Variants in PXDNL observed in about 807,000 individuals in gnomAD.
PXDNL encodes peroxidasin like.
A neutral mutation model predicts 150.8 loss-of-function variants in PXDNL; 145 were observed. That is an observed-to-expected ratio of 0.96 (90% CI 0.84 to 1.10). PXDNL has a LOEUF of 1.10. PXDNL is among the 50% of genes least tolerant of loss of function. The pLI is 0.00. For missense variants in PXDNL, 2,087 were observed against 1,873.9 expected (o/e 1.11, Z -2.10); for synonymous variants, 757 against 725.7 (o/e 1.04, Z -0.69).
chr8:51,662,282 G>C (rs1453258181), intron 1 of PXDNL, among the ~76,000 whole-genome samples: 1 of 152,190 alleles, frequency 6.6e-6, no homozygotes, highest in South Asian at 2.1e-4. Flanking sequence ...CACTTTGGGA[G>C]GCTGAGGCAG....
At chr8:51,563,051 A>G (rs1279760556) in intron 3 of PXDNL, among the ~76,000 whole-genome samples, 2 of 151,934 alleles carry the variant, frequency 1.3e-5, no homozygotes. Context: ...GACTACCTAG[A>G]CTTGTGTTTC....
chr8:51,423,429 G>T, intron 14 of PXDNL, 146 bp downstream of exon 14: 2 of 480,240 alleles, frequency 4.2e-6, no homozygotes, highest in Non-Finnish European at 3.4e-6. Context: ...ATTTTAAAAA[G>T]AATAAAACAG....
In PXDNL at chr8:51,607,912, GGGAA is replaced by G. The variant is rs1213717577; in HGVS notation, c.237-15218_237-15215del. Among the ~76,000 whole-genome samples the G allele has an allele frequency of 2.1e-4, 27 of 129,542 alleles. 1 individual carries two copies. The highest frequency in any genetic ancestry group is 6.2e-4 in the African/African-American group (18 of 28,854). 85.0% of individuals were successfully genotyped at this position (129,542 alleles called of 152,430 possible). A position where few individuals can be genotyped will look rare whatever the true frequency, so the allele number is the denominator to read the frequency against. On this transcript the variant is annotated intron_variant, in intron 2 of 22. Coordinates refer to ENST00000356297, the MANE Select transcript of PXDNL (RefSeq NM_144651.5). ...AGGAAGGAAGGTGGGGAGGGAGGGA[GGGAA>G]GGAAGGAAGGAAAGAAAGAAAGAGA...
chr8:51,744,545 A>G (rs970212393), intron 1 of PXDNL, among the ~76,000 whole-genome samples: 17 of 149,266 alleles, frequency 1.1e-4, no homozygotes, highest in African/African-American at 3.4e-4. Flanking sequence ...GCGTGGTGGC[A>G]GGCGCCTGCA....
chr8:51,645,684 T>A (rs1563494348), intron 2 of PXDNL, among the ~76,000 whole-genome samples: 2 of 152,292 alleles, frequency 1.3e-5, no homozygotes, highest in South Asian at 2.1e-4. Flanking sequence ...ACAGGCCACC[T>A]GATAGAATAA....
chr8:51,777,681 T>C (rs2037366887), intron 1 of PXDNL, among the ~76,000 whole-genome samples: 1 of 152,120 alleles, frequency 6.6e-6, no homozygotes, highest in East Asian at 1.9e-4. Context: ...GATGGGCAGA[T>C]CACCTGAGGT....
intron 4 of PXDNL, among the ~76,000 whole-genome samples, chr8:51,514,963 AAG>A (rs1319493742): frequency 6.6e-6 from 1 of 152,252 alleles, no homozygotes; most frequent in African/African-American, 2.4e-5. Flanking sequence ...CTTTGGTCTG[AAG>A]CATCATGACA....
intron 17 of PXDNL, among the ~76,000 whole-genome samples, chr8:51,392,551 G>A (rs556699838): frequency 6.6e-6 from 1 of 152,222 alleles, no homozygotes; most frequent in South Asian, 2.1e-4. Flanking sequence ...GTCTGTTATT[G>A]GTGTACAAGA....
At chr8:51,533,828 C>A (rs200970333) in intron 4 of PXDNL, among the ~76,000 whole-genome samples, 8,696 of 146,336 alleles carry the variant, frequency 0.059, 177 homozygotes, top group East Asian at 0.17. Context: ...GTGATCTCGG[C>A]TCGCTACAAC....
chr8:51,553,902 T>A (rs1457307561), intron 4 of PXDNL, among the ~76,000 whole-genome samples: 1 of 152,184 alleles, frequency 6.6e-6, no homozygotes, highest in East Asian at 1.9e-4. Context: ...TCTTTAAAGA[T>A]GTCCCTTGCC....
chr8:51,520,110 G>A (rs559478386), intron 4 of PXDNL, among the ~76,000 whole-genome samples: 19 of 152,222 alleles, frequency 1.2e-4, no homozygotes, highest in Admixed American at 4.6e-4. Flanking sequence ...AAAGAATGCC[G>A]GGGAATCTGT....
intron 1 of PXDNL, among the ~76,000 whole-genome samples, chr8:51,692,046 G>C (rs927116444): frequency 6.6e-6 from 1 of 152,186 alleles, no homozygotes; most frequent in South Asian, 2.1e-4. Flanking sequence ...GTAGCAGCAA[G>C]GGCCCCTGAT....
chr8:51,514,684 T>C (rs139154016), intron 4 of PXDNL, among the ~76,000 whole-genome samples: 1,585 of 152,226 alleles, frequency 0.01, 10 homozygotes, highest in South Asian at 0.047. Flanking sequence ...ACCACTTAAG[T>C]ATGTCCATGC....
intron 3 of PXDNL, among the ~76,000 whole-genome samples, chr8:51,577,984 AAAGAAAGAAAGAAAGAGG>A (rs1813107538): frequency 2.3e-5 from 2 of 88,818 alleles, no homozygotes; most frequent in Admixed American, 2.5e-4. Context: ...AGAAAGAAAG[AAAGAAAGAAAGAAAGAGG>A]AAGGAAGGAA....
chr8:51,643,847 G>A (rs1282187165), intron 2 of PXDNL, among the ~76,000 whole-genome samples: 1 of 151,894 alleles, frequency 6.6e-6, no homozygotes, highest in East Asian at 1.9e-4. Context: ...AAATTTACAA[G>A]AAAAAAACAA....
At chr8:51,663,984 G>C (rs1207233123) in intron 1 of PXDNL, among the ~76,000 whole-genome samples, 9 of 151,500 alleles carry the variant, frequency 5.9e-5, no homozygotes, top group Admixed American at 5.9e-4. Flanking sequence ...CTGGGAAGCG[G>C]AGGTTGCAGT....
chr8:51,442,252 G>A (rs1809568415), intron 12 of PXDNL, among the ~76,000 whole-genome samples: 1 of 148,968 alleles, frequency 6.7e-6, no homozygotes, highest in South Asian at 2.2e-4. Flanking sequence ...ATACTGTCTG[G>A]GTACATTTTA....
At chr8:51,475,348 A>G (rs1810448549) in intron 6 of PXDNL, among the ~76,000 whole-genome samples, 1 of 152,188 alleles carries the variant, frequency 6.6e-6, no homozygotes, top group Non-Finnish European at 1.5e-5. Context: ...CAAATTAACC[A>G]TGTTTTTGAG....
At chr8:51,457,862 A>G (rs1809970791) in intron 8 of PXDNL, among the ~76,000 whole-genome samples, 195 bp from the exon 9 acceptor site, 1 of 152,210 alleles carries the variant, frequency 6.6e-6, no homozygotes, top group Non-Finnish European at 1.5e-5. Flanking sequence ...TACACCCTGA[A>G]CAAAGGCTCT....
Sources: allele counts gnomAD v4.1 joint callset (sites outside exome capture counted in the v4.1 genomes callset), GRCh38; gene constraint gnomAD v4.1.1; transcripts MANE v1.5; gene names NCBI Gene and HGNC (gene_info 2026-07-23, HGNC 2026-07-21).